Variants in PPFIA2 observed in about 807,000 individuals in gnomAD.
PPFIA2 encodes liprin-alpha-2.
PPFIA2 carries 46 observed loss-of-function variants against 175.5 expected under a neutral mutation model. The observed-to-expected ratio is 0.26, with a 90% confidence interval of 0.21 to 0.34. PPFIA2 has a LOEUF of 0.34. PPFIA2 is among the 10% of genes least tolerant of loss of function. The pLI, the probability that PPFIA2 is intolerant of heterozygous loss-of-function variation, is 1.00. For missense variants in PPFIA2, 1,179 were observed against 1,506.1 expected (o/e 0.78, Z 3.60); for synonymous variants, 568 against 511.4 (o/e 1.11, Z -1.49).
chr12:81,442,400 C>T (rs905172711), intron 6 of PPFIA2, among the ~76,000 whole-genome samples: 4 of 151,910 alleles, frequency 2.6e-5, no homozygotes, highest in Admixed American at 2.6e-4. Flanking sequence ...TGGAAATCTC[C>T]TCAGACCAGA....
intron 4 of PPFIA2, among the ~76,000 whole-genome samples, chr12:81,670,880 C>T (rs1172207364): frequency 6.6e-6 from 1 of 151,838 alleles, no homozygotes; most frequent in Admixed American, 6.6e-5. Flanking sequence ...TCTGTTTTGT[C>T]TTTTTTGAGG....
chr12:81,430,911 G>A (rs1017239637), intron 7 of PPFIA2: 1 of 151,988 alleles, frequency 6.6e-6, no homozygotes, highest in Non-Finnish European at 1.5e-5. Flanking sequence ...TACTTAATAC[G>A]CCCATGCAAG....
chr12:81,615,774 A>G (rs1376624051), intron 4 of PPFIA2, among the ~76,000 whole-genome samples: 1 of 152,122 alleles, frequency 6.6e-6, no homozygotes, highest in Non-Finnish European at 1.5e-5. Flanking sequence ...TTTTTAGCAC[A>G]TTGTTTCAAA....
At chr12:81,304,376 T>A (rs1270304644) in intron 22 of PPFIA2, among the ~76,000 whole-genome samples, 1 of 152,108 alleles carries the variant, frequency 6.6e-6, no homozygotes, top group Admixed American at 6.6e-5. Context: ...GCCAACTGAA[T>A]CTCTGACCTC....
intron 7 of PPFIA2, among the ~76,000 whole-genome samples, chr12:81,413,115 A>T (rs535499331): frequency 6.6e-6 from 1 of 152,022 alleles, no homozygotes; most frequent in South Asian, 2.1e-4. Context: ...ACTGGATGTT[A>T]GTTTTCTCAC....
chr12:81,328,995 G>C (rs965825153), intron 21 of PPFIA2, among the ~76,000 whole-genome samples: 3 of 151,826 alleles, frequency 2.0e-5, no homozygotes, highest in African/African-American at 7.3e-5. Flanking sequence ...GTAGAGATGA[G>C]GTCTTGCTAT....
intron 16 of PPFIA2, among the ~76,000 whole-genome samples, chr12:81,356,027 C>T (rs2060803038): frequency 6.6e-6 from 1 of 152,214 alleles, no homozygotes; most frequent in Admixed American, 6.6e-5. Context: ...TGGCTTAACT[C>T]AGCTTTTGAC....
intron 4 of PPFIA2, among the ~76,000 whole-genome samples, chr12:81,531,122 C>G (rs1451200612): frequency 6.6e-6 from 1 of 151,778 alleles, no homozygotes; most frequent in Non-Finnish European, 1.5e-5. Context: ...AATTTCAATG[C>G]AATAACTTGA....
intron 22 of PPFIA2, among the ~76,000 whole-genome samples, chr12:81,317,015 G>A (rs2052525518): frequency 6.6e-6 from 1 of 151,600 alleles, no homozygotes; most frequent in Non-Finnish European, 1.5e-5. Context: ...TAAAGGCTTT[G>A]TGAAAAATAT....
intron 4 of PPFIA2, among the ~76,000 whole-genome samples, chr12:81,528,643 A>G (rs2064050800): frequency 6.6e-6 from 1 of 152,108 alleles, no homozygotes; most frequent in South Asian, 2.1e-4. Context: ...TTTACTAATA[A>G]ATACACAGAA....
intron 3 of PPFIA2, among the ~76,000 whole-genome samples, chr12:81,727,665 A>G (rs555214412): frequency 8.6e-5 from 13 of 151,470 alleles, no homozygotes; most frequent in African/African-American, 1.4e-4. Flanking sequence ...GCTGTGGTTT[A>G]TAAAAAAACA....
At chr12:81,482,562 A>G (rs1052880957) in intron 4 of PPFIA2, among the ~76,000 whole-genome samples, 1 of 152,196 alleles carries the variant, frequency 6.6e-6, no homozygotes, top group African/African-American at 2.4e-5. Flanking sequence ...CAGCCATAAA[A>G]ACGGATGAGT....
chr12:81,365,208 G>T (rs576352044), intron 14 of PPFIA2, among the ~76,000 whole-genome samples: 4 of 151,774 alleles, frequency 2.6e-5, no homozygotes, highest in African/African-American at 4.8e-5. Context: ...GGGAAACACT[G>T]AGAAAAGAGT....
At chr12:81,618,685 C>T (rs141813078) in intron 4 of PPFIA2, among the ~76,000 whole-genome samples, 11,507 of 151,846 alleles carry the variant, frequency 0.076, 648 homozygotes, top group East Asian at 0.29. Flanking sequence ...CCAGCCACCA[C>T]GCCCAGCTAA....
At chr12:81,402,434 GGAT>G (rs1344508589) in intron 8 of PPFIA2, among the ~76,000 whole-genome samples, 1 of 152,110 alleles carries the variant, frequency 6.6e-6, no homozygotes, top group Non-Finnish European at 1.5e-5. Context: ...ATGTCATGGA[GGAT>G]GATTTTGATA....
chr12:81,335,156 A>C (rs184813213), intron 21 of PPFIA2, among the ~76,000 whole-genome samples: 34 of 152,326 alleles, frequency 2.2e-4, no homozygotes, highest in Middle Eastern at 3.4e-3. Flanking sequence ...GGGTAAAGAT[A>C]AGTCAATATT....
chr12:81,609,481 A>G (rs2060666925), intron 4 of PPFIA2, among the ~76,000 whole-genome samples: 1 of 152,116 alleles, frequency 6.6e-6, no homozygotes, highest in African/African-American at 2.4e-5. Flanking sequence ...ATACATTTAG[A>G]ATGGTTAAGT....
At chr12:81,460,408 T>A (rs2054318858) in intron 4 of PPFIA2, among the ~76,000 whole-genome samples, 1 of 152,132 alleles carries the variant, frequency 6.6e-6, no homozygotes. Flanking sequence ...CTTTATAAAT[T>A]ACCCAGTCTC....
intron 4 of PPFIA2, among the ~76,000 whole-genome samples, chr12:81,588,734 C>T (rs1457982664): frequency 6.6e-6 from 1 of 151,972 alleles, no homozygotes; most frequent in Non-Finnish European, 1.5e-5. Context: ...TTTACTTTCT[C>T]TTTTATTAGC....
Sources: gnomAD v4.1 joint callset for allele counts (sites outside exome capture counted in the v4.1 genomes callset) on GRCh38, gnomAD v4.1.1 for gene constraint, MANE v1.5 for transcripts, NCBI Gene and HGNC (gene_info 2026-07-23, HGNC 2026-07-21) for gene names.